CCSER1: variants seen among roughly 807,000 people sequenced by gnomAD.
CCSER1 encodes coiled-coil serine rich protein 1.
A neutral mutation model predicts 82.0 loss-of-function variants in CCSER1; 41 were observed. That is an observed-to-expected ratio of 0.50 (90% CI 0.39 to 0.65). CCSER1 has a LOEUF of 0.65. Ranked by LOEUF, CCSER1 falls within the 30% of genes least tolerant of loss-of-function variation. The pLI is 0.00. For missense variants in CCSER1, 1,119 were observed against 1,064.2 expected, an observed-to-expected ratio of 1.05 and a Z score of -0.72; for synonymous variants, 414 against 383.9, an observed-to-expected ratio of 1.08 and a Z score of -0.92.
At chr4:90,868,690 T>G (rs1766056923) in intron 8 of CCSER1, among the ~76,000 whole-genome samples, 1 of 152,100 alleles carries the variant, frequency 6.6e-6, no homozygotes, top group Non-Finnish European at 1.5e-5. Context: ...TTTAATATAC[T>G]GATTTCCTTT....
intron 10 of CCSER1, among the ~76,000 whole-genome samples, chr4:91,310,223 A>G (rs971782169): frequency 4.0e-5 from 6 of 151,734 alleles, no homozygotes; most frequent in South Asian, 2.1e-4. Context: ...TAATTGCAAC[A>G]TTGGCCTGAT....
chr4:91,177,453 C>CT (rs1268735413), intron 10 of CCSER1, among the ~76,000 whole-genome samples: 1 of 152,064 alleles, frequency 6.6e-6, no homozygotes, highest in Non-Finnish European at 1.5e-5. Flanking sequence ...TGGTCCTGGA[C>CT]TTTTTTTGGT....
chr4:91,094,570 C>A (rs1724309113), intron 10 of CCSER1, among the ~76,000 whole-genome samples: 1 of 152,054 alleles, frequency 6.6e-6, no homozygotes, highest in Non-Finnish European at 1.5e-5. Context: ...GAACTATAAT[C>A]CCAAAAGCTT....
At chr4:90,439,825 C>G (rs1759589666) in intron 4 of CCSER1, among the ~76,000 whole-genome samples, 1 of 152,098 alleles carries the variant, frequency 6.6e-6, no homozygotes, top group Non-Finnish European at 1.5e-5. Context: ...CTTTCAGAGT[C>G]CAGATGTTCT....
rs570498066 is a variant in CCSER1, at chr4:90,503,633, A to G, written c.1724+35279A>G. Among the ~76,000 whole-genome samples, 5 of 152,096 alleles carry G rather than the reference A, an allele frequency of 3.3e-5. No homozygotes were observed. In the East Asian group the frequency reaches 5.8e-4, roughly 18 times the overall value. On this transcript the variant is annotated intron_variant, in intron 5 of 10. Coordinates refer to ENST00000509176, the MANE Select transcript of CCSER1 (RefSeq NM_001145065.2). ...TGTGTCCATGTGTTCTCATTGTTCA[A>G]TTCCCACCTATGAGTGAGAACATGC...
intron 10 of CCSER1, among the ~76,000 whole-genome samples, chr4:91,233,250 A>G (rs7671793): frequency 0.14 from 21,615 of 151,774 alleles, 2,889 homozygotes; most frequent in African/African-American, 0.36. Flanking sequence ...TATTGATTAA[A>G]CTCTCTCAGT....
At chr4:91,595,952 A>G (rs1281804519) in intron 10 of CCSER1, among the ~76,000 whole-genome samples, 1 of 151,146 alleles carries the variant, frequency 6.6e-6, no homozygotes, top group African/African-American at 2.4e-5. Context: ...TTAAAAAAAA[A>G]AAAAAAAAAA....
At chr4:91,041,859 G>A (rs1249036043) in intron 9 of CCSER1, among the ~76,000 whole-genome samples, 2 of 152,150 alleles carry the variant, frequency 1.3e-5, no homozygotes, top group Non-Finnish European at 2.9e-5. Context: ...AAGCATTGTG[G>A]ATTTTTGCCA....
At chr4:91,156,771 TC>T (rs1484800226) in intron 10 of CCSER1, among the ~76,000 whole-genome samples, 1 of 151,830 alleles carries the variant, frequency 6.6e-6, no homozygotes, top group African/African-American at 2.4e-5. Flanking sequence ...ACCTTCCTTC[TC>T]TTGTCACAAC....
chr4:91,145,359 G>A (rs1447304272), intron 10 of CCSER1, among the ~76,000 whole-genome samples: 2 of 152,070 alleles, frequency 1.3e-5, no homozygotes, highest in Non-Finnish European at 2.9e-5. Context: ...CATAACATGT[G>A]AGATGTTCTC....
intron 4 of CCSER1, among the ~76,000 whole-genome samples, chr4:90,438,774 T>TTCTATCTG (rs1759420960): frequency 6.7e-6 from 1 of 150,228 alleles, no homozygotes; most frequent in African/African-American, 2.5e-5. Context: ...TTTTGATATC[T>TTCTATCTG]TCTATCTATC....
intron 5 of CCSER1, among the ~76,000 whole-genome samples, chr4:90,469,448 A>G (rs932874673): frequency 2.6e-5 from 4 of 151,570 alleles, no homozygotes; most frequent in African/African-American, 9.7e-5. Context: ...TCCAAAAGCC[A>G]TTTTTGTCTA....
At chr4:91,402,131 A>G (rs929240068) in intron 10 of CCSER1, among the ~76,000 whole-genome samples, 3 of 152,100 alleles carry the variant, frequency 2.0e-5, no homozygotes, top group Non-Finnish European at 4.4e-5. Flanking sequence ...TTTGATTTGC[A>G]TTTCTCTGAT....
chr4:90,999,632 A>C (rs9998124), intron 9 of CCSER1, among the ~76,000 whole-genome samples: 127,907 of 152,058 alleles, frequency 0.84, 54,373 homozygotes, highest in Non-Finnish European at 0.92. Flanking sequence ...GGATATTAGA[A>C]CTTTGTTTGA....
At chr4:90,536,115 C>G (rs964683033) in intron 5 of CCSER1, among the ~76,000 whole-genome samples, 2 of 149,480 alleles carry the variant, frequency 1.3e-5, no homozygotes, top group African/African-American at 5.0e-5. Context: ...TCACTGCAAC[C>G]TTTGCCTCCT....
chr4:90,297,412 C>A (rs1337853670), intron 1 of CCSER1, among the ~76,000 whole-genome samples: 2 of 151,924 alleles, frequency 1.3e-5, no homozygotes, highest in Non-Finnish European at 2.9e-5. Flanking sequence ...GTGGGGTTTT[C>A]TAGATATATA....
chr4:90,224,092 A>G (rs545240101), intron 1 of CCSER1, among the ~76,000 whole-genome samples: 110 of 152,226 alleles, frequency 7.2e-4, no homozygotes, highest in African/African-American at 2.6e-3. Flanking sequence ...TTAGTAAGAG[A>G]TAGGTTGGAA....
intron 1 of CCSER1, among the ~76,000 whole-genome samples, chr4:90,256,143 C>T (rs1413631577): frequency 6.6e-6 from 1 of 152,070 alleles, no homozygotes; most frequent in African/African-American, 2.4e-5. Context: ...GACCCTGTTC[C>T]ATGTCCATCT....
intron 1 of CCSER1, among the ~76,000 whole-genome samples, chr4:90,178,277 T>C (rs1718856111): frequency 6.6e-6 from 1 of 152,094 alleles, no homozygotes; most frequent in Admixed American, 6.6e-5. Flanking sequence ...GCTTTTGGCT[T>C]TAAAATGAAG....
Sources: allele counts gnomAD v4.1 joint callset (sites outside exome capture counted in the v4.1 genomes callset), GRCh38; gene constraint gnomAD v4.1.1; transcripts MANE v1.5; gene names NCBI Gene and HGNC (gene_info 2026-07-23, HGNC 2026-07-21).